Variants in PCDHA3 observed in about 807,000 individuals in gnomAD.
PCDHA3 encodes protocadherin alpha 3.
In PCDHA3, 41 loss-of-function variants were observed where a neutral mutation model predicts 62.2. That is an observed-to-expected ratio of 0.66 (90% CI 0.51 to 0.86). The LOEUF is 0.86. Ranked by LOEUF, PCDHA3 falls within the 40% of genes least tolerant of loss-of-function variation. The pLI is 0.00. For synonymous variants in PCDHA3, 640 were observed against 555.4 expected (o/e 1.15, Z -2.14); for missense variants, 1,304 against 1,241.2 (o/e 1.05, Z -0.76).
chr5:140,857,483 T>C lies in PCDHA3; in HGVS notation c.2394+53892T>C, dbSNP rs781790244. 2.8e-5 allele frequency: 44 copies of C among 1,598,450 alleles called. 2 individuals carry two copies. Among genetic ancestry groups the C allele is most frequent in the Non-Finnish European group, 3.2e-5 (37 of 1,167,868 alleles). On this transcript the variant is annotated intron_variant, in intron 1 of 3. Transcript: ENST00000522353. ...CTGCCACATCTTCACGGTGTCTGCG[T>C]GGGACGCGGACGCGCAGGAGAACGC...
intron 1 of PCDHA3, among the ~76,000 whole-genome samples, chr5:140,957,407 ATTG>A (rs2095357259): frequency 6.6e-6 from 1 of 152,156 alleles, no homozygotes; most frequent in Non-Finnish European, 1.5e-5. Context: ...ATTTATTATT[ATTG>A]TTGTTAATCT....
intron 2 of PCDHA3, among the ~76,000 whole-genome samples, chr5:140,980,886 C>T (rs2096909899): frequency 6.6e-6 from 1 of 152,062 alleles, no homozygotes; most frequent in South Asian, 2.1e-4. Context: ...TCGGTCTTTC[C>T]AGTCTTGGAC....
At chr5:140,923,826 T>C (rs2081533545) in intron 1 of PCDHA3, among the ~76,000 whole-genome samples, 1 of 152,218 alleles carries the variant, frequency 6.6e-6, no homozygotes, top group African/African-American at 2.4e-5. Context: ...TAGACGTCAG[T>C]GGCAGTTTAA....
chr5:140,969,921 G>A (rs1417032241), intron 1 of PCDHA3, among the ~76,000 whole-genome samples: 2 of 152,198 alleles, frequency 1.3e-5, no homozygotes, highest in African/African-American at 2.4e-5. Flanking sequence ...TAAAGCTGTA[G>A]TATTTAGACA....
intron 1 of PCDHA3, among the ~76,000 whole-genome samples, chr5:140,902,203 C>CTTT (rs148688132): frequency 4.8e-5 from 6 of 124,458 alleles, no homozygotes; most frequent in Non-Finnish European, 8.4e-5. Flanking sequence ...CTCTCTCTTT[C>CTTT]TTTTTTTTTT....
chr5:140,957,594 A>C (rs2095369947), intron 1 of PCDHA3, among the ~76,000 whole-genome samples: 1 of 152,154 alleles, frequency 6.6e-6, no homozygotes, highest in Non-Finnish European at 1.5e-5. Context: ...AGCACTTCCC[A>C]GAATAAACAC....
rs2150358522 is a variant in PCDHA3 at position 140,843,370 on chromosome 5, G to C, written c.2394+39779G>C. 44 of 1,595,972 alleles carry C rather than the reference G, an allele frequency of 2.8e-5. 4 individuals carry two copies. The highest frequency in any genetic ancestry group is 3.5e-5 in the Non-Finnish European group (41 of 1,165,612). ...CTCCAAAAGCGTCATCGAGGCAGTC[G>C]GCTGGCGTTTTGGGTCCGGAAGCGG... On this transcript the variant is annotated intron_variant, in intron 1 of 3. Transcript: ENST00000522353.
chr5:140,851,536 A>G, intron 1 of PCDHA3: 1 of 906,554 alleles, frequency 1.1e-6, no homozygotes, highest in African/African-American at 1.8e-5. Context: ...GACAATGTAG[A>G]TAATTCAAGA....
intron 2 of PCDHA3, chr5:140,982,242 AAAG>A (rs2096973421): frequency 2.9e-6 from 2 of 701,584 alleles, no homozygotes; most frequent in African/African-American, 3.6e-5. Flanking sequence ...GAATTGCCAT[AAAG>A]ATAGAACATG....
intron 1 of PCDHA3, among the ~76,000 whole-genome samples, chr5:140,895,301 C>T (rs2064953096): frequency 6.6e-6 from 1 of 152,000 alleles, no homozygotes; most frequent in Non-Finnish European, 1.5e-5. Flanking sequence ...TCGATTTCCC[C>T]CCTTCCACCC....
chr5:141,005,697 G>A (rs1197870932), intron 3 of PCDHA3, among the ~76,000 whole-genome samples: 75 of 78,728 alleles, frequency 9.5e-4, no homozygotes, highest in Admixed American at 6.2e-4. Context: ...GCGAAACTCC[G>A]TCTCAAAAAA....
rs1554148728 is a variant in PCDHA3, at chr5:140,856,447, C to T, written c.2394+52856C>T. On this transcript the variant is annotated intron_variant, in intron 1 of 3. Transcript: ENST00000522353. ...TTAACGACAACCCGCCCAGGTTCTC[C>T]GTAACAGAACAAAAGCTCTCAATAC... 8 of 1,598,330 alleles carry T rather than the reference C, an allele frequency of 5.0e-6. 1 individual carries two copies. The highest frequency in any genetic ancestry group is 6.8e-6 in the Non-Finnish European group (8 of 1,167,884).
intron 1 of PCDHA3, chr5:140,836,028 G>A: frequency 6.2e-7 from 1 of 1,613,510 alleles, no homozygotes; most frequent in Non-Finnish European, 8.5e-7. Context: ...GGGCAGCAAC[G>A]TGACGCTGCA....
At chr5:140,808,156 T>C in intron 1 of PCDHA3, 1 of 1,614,210 alleles carries the variant, frequency 6.2e-7, no homozygotes, top group South Asian at 1.1e-5. Flanking sequence ...TAGAGGGCAT[T>C]GATAAGGGAC....
At chr5:140,842,090 A>G in intron 1 of PCDHA3, 1 of 1,613,904 alleles carries the variant, frequency 6.2e-7, no homozygotes, top group Non-Finnish European at 8.5e-7. Flanking sequence ...AAACGCAGAC[A>G]ACGGAACAAC....
intron 1 of PCDHA3, among the ~76,000 whole-genome samples, chr5:140,941,032 T>C (rs1321810263): frequency 6.6e-6 from 1 of 152,222 alleles, no homozygotes; most frequent in Non-Finnish European, 1.5e-5. Flanking sequence ...CTGGCCTTTT[T>C]GGTGCCAAGT....
intron 1 of PCDHA3, among the ~76,000 whole-genome samples, chr5:140,819,268 A>C (rs1554127630): frequency 1.3e-5 from 2 of 152,162 alleles, no homozygotes; most frequent in Non-Finnish European, 2.9e-5. Context: ...TATAATTTCT[A>C]TAGATAAGAG....
At chr5:140,804,528 T>A (rs1367585141) in intron 1 of PCDHA3, 1 of 152,180 alleles carries the variant, frequency 6.6e-6, no homozygotes, top group African/African-American at 2.4e-5. Context: ...CTAGCAAAAC[T>A]TTTTATTCAT....
At chr5:140,910,479 A>G (rs2075041093) in intron 1 of PCDHA3, among the ~76,000 whole-genome samples, 1 of 152,212 alleles carries the variant, frequency 6.6e-6, no homozygotes. Context: ...AAAATCTGGC[A>G]TACAGAGAAG....
Sources: gnomAD v4.1 joint callset for allele counts (sites outside exome capture counted in the v4.1 genomes callset) on GRCh38, gnomAD v4.1.1 for gene constraint, MANE v1.5 for transcripts, NCBI Gene and HGNC (gene_info 2026-07-23, HGNC 2026-07-21) for gene names.